HENMT1: variants seen among roughly 807,000 people sequenced by gnomAD.
HENMT1 encodes small RNA 2'-O-methyltransferase.
HENMT1 carries 27 observed loss-of-function variants against 31.1 expected under a neutral mutation model. That is an observed-to-expected ratio of 0.87 (90% CI 0.64 to 1.20). The LOEUF (loss-of-function observed/expected upper bound fraction) is 1.20. Ranked by LOEUF, HENMT1 falls within the 50% of genes most tolerant of loss-of-function variation. HENMT1 has a pLI of 0.00. For synonymous variants in HENMT1, 167 were observed against 172.2 expected (o/e 0.97, Z 0.24); for missense variants, 438 against 469.6 (o/e 0.93, Z 0.62).
At chr1:108,658,339 T>TG (rs2101002949) in intron 2 of HENMT1, among the ~76,000 whole-genome samples, 1 of 152,260 alleles carries the variant, frequency 6.6e-6, no homozygotes, top group South Asian at 2.1e-4. Flanking sequence ...TTCACCATGT[T>TG]GGCCAGGCTC....
rs142977292 is a variant in HENMT1 at position 108,650,337 on chromosome 1, G to A, written c.630C>T (p.Val210=). The part of the protein sequence containing the change: ...RYDYSVEFTG[V]GEPPAGAENV... ...TCTCAGCTCCAGCTGGTGGTTCCCC[G>A]ACACCAGTAAACTCCACAGAGTAAT... Residue 210 remains valine, a synonymous_variant, in exon 7 of 8, where the codon GTC becomes GTT. Coordinates refer to ENST00000651461, the MANE Select transcript of HENMT1 (RefSeq NM_001102592.2). The A allele has an allele frequency of 3.7e-3, 5,973 of 1,613,964 alleles. 12 individuals are homozygous for A. The highest frequency in any genetic ancestry group is 5.9e-3 in the Middle Eastern group (36 of 6,062).
At chr1:108,658,903 AG>A (rs551333187) in intron 2 of HENMT1, among the ~76,000 whole-genome samples, 142 of 152,380 alleles carry the variant, frequency 9.3e-4, no homozygotes, top group African/African-American at 3.4e-3. Context: ...AGTAGTCCAA[AG>A]GGTATTTGAT....
chr1:108,650,038 A>G (rs1570630738), intron 7 of HENMT1, 173 bp downstream of exon 7: 4 of 706,494 alleles, frequency 5.7e-6, no homozygotes, highest in Non-Finnish European at 7.7e-6. Context: ...GTCTCAAAGG[A>G]CACCGTAGGC....
intron 4 of HENMT1, 143 bp from the exon 5 acceptor site, chr1:108,654,993 A>G (rs1240523763): frequency 3.7e-6 from 3 of 815,534 alleles, no homozygotes; most frequent in Admixed American, 2.7e-5. Context: ...GTCTTGACAT[A>G]TTAAAGACCA....
At chr1:108,653,029 T>TC (rs201415303) in intron 5 of HENMT1, among the ~76,000 whole-genome samples, 1,668 of 150,350 alleles carry the variant, frequency 0.011, 26 homozygotes, top group African/African-American at 0.039. Flanking sequence ...TGCATATACA[T>TC]CCCTTTTTTT....
intron 7 of HENMT1, chr1:108,650,005 T>C (rs1474995558): frequency 1.5e-6 from 1 of 670,100 alleles, no homozygotes; most frequent in Non-Finnish European, 2.7e-6. Flanking sequence ...TTAACATGCC[T>C]TGAAACACCA....
In HENMT1 at chr1:108,648,606, G is replaced by A; in HGVS notation, c.1142C>T (p.Ala381Val). ...TTCATCAAAATAATTACGCAGGTCA[G>A]CCACCACTGCAGAACCATCACTGCT... ...PLSSDGSAVVADLRNYFDEQF... is the reference protein window; with the variant it reads ...PLSSDGSAVVVDLRNYFDEQF... The change falls in exon 8 of 8, where the codon GCT (alanine) becomes GTT (valine). Residue 381 changes from alanine (A) to valine (V), a missense_variant. Coordinates refer to ENST00000651461, the MANE Select transcript of HENMT1 (RefSeq NM_001102592.2). 1 of 1,614,138 alleles carries A rather than the reference G, an allele frequency of 6.2e-7. No individual in the cohort carries two copies. The highest frequency in any genetic ancestry group is 1.3e-5 in the African/African-American group (1 of 75,050).
At chr1:108,658,935 A>G (rs1658354998) in intron 2 of HENMT1, among the ~76,000 whole-genome samples, 1 of 152,256 alleles carries the variant, frequency 6.6e-6, no homozygotes, top group African/African-American at 2.4e-5. Context: ...GCACTGTCCA[A>G]TAGATAAAAT....
chr1:108,660,288 G>A (rs535258215), intron 1 of HENMT1, among the ~76,000 whole-genome samples: 1 of 152,064 alleles, frequency 6.6e-6, no homozygotes, highest in African/African-American at 2.4e-5. Context: ...CTCAGAAAGC[G>A]TAACTTTTCA....
At chr1:108,657,331 T>C (rs1190579488) in intron 3 of HENMT1, 120 bp downstream of exon 3, 1 of 673,310 alleles carries the variant, frequency 1.5e-6, no homozygotes, top group Non-Finnish European at 2.5e-6. Context: ...GGTTACGGCA[T>C]TCTCCCTATT....
chr1:108,651,051 G>A lies in HENMT1; in HGVS notation c.557C>T (p.Thr186Ile), dbSNP rs781298547. 5 of 1,613,348 alleles carry A rather than the reference G, an allele frequency of 3.1e-6. No individual in the cohort carries two copies. In the Admixed American group the frequency reaches 6.7e-5, roughly 22 times the overall value. The change falls in exon 6 of 8, where the codon ACC becomes ATC. Residue 186 changes from threonine to isoleucine, a missense_variant. Coordinates refer to ENST00000651461, the MANE Select transcript of HENMT1 (RefSeq NM_001102592.2). ...LRDSDHKFEW[T>I]RMEFQTWALY... The stretch of plus-strand genomic sequence containing the variant: ...TTACCAGGTCTGAAACTCCATTCTG[G>A]TCCACTCAAATTTATGATCTGAATC...
intron 4 of HENMT1, 136 bp downstream of exon 4, chr1:108,655,450 C>CCTGATTATT: frequency 1.9e-6 from 1 of 516,196 alleles, no homozygotes; most frequent in Non-Finnish European, 3.4e-6. Flanking sequence ...TATGGCAAAG[C>CCTGATTATT]CTGATTATTC....
chr1:108,650,925 A>G, intron 6 of HENMT1, 105 bp downstream of exon 6: 1 of 774,978 alleles, frequency 1.3e-6, no homozygotes, highest in South Asian at 1.9e-5. Context: ...TTTTATTGGA[A>G]GAAAGTACAA....
Position 108,648,461 on chromosome 1 carries a change from G to A in HENMT1, c.*105C>T, listed in dbSNP as rs1028302360. On this transcript the variant is annotated 3_prime_UTR_variant, in exon 8 of 8. Transcript: ENST00000651461. ...GGCTTGGAACATAGACTTTTGCAGT[G>A]AAACTTTAAAAACATTACTTGAATT... 5 of 994,622 alleles carry A rather than the reference G, an allele frequency of 5.0e-6. No homozygotes were observed. In the South Asian group the frequency reaches 6.8e-5, roughly 14 times the overall value. 61.6% of individuals were successfully genotyped at this position (994,622 alleles called of 1,614,324 possible).
At chr1:108,649,489 G>A (rs913201350) in intron 7 of HENMT1, 6 of 416,264 alleles carry the variant, frequency 1.4e-5, no homozygotes, top group Admixed American at 2.8e-5. Context: ...GGTGGTGCAC[G>A]CCTGTCGTCC....
intron 2 of HENMT1, among the ~76,000 whole-genome samples, chr1:108,658,152 G>A (rs1658324213): frequency 6.8e-6 from 1 of 146,806 alleles, no homozygotes. Flanking sequence ...TTCCCCCCAA[G>A]ACGGAGTCTT....
chr1:108,649,640 G>T (rs567207588), intron 7 of HENMT1, among the ~76,000 whole-genome samples: 86 of 152,190 alleles, frequency 5.7e-4, no homozygotes, highest in African/African-American at 2.0e-3. Context: ...TTTTAAAGAG[G>T]GGGAGGAAGT....
intron 1 of HENMT1, among the ~76,000 whole-genome samples, chr1:108,660,322 GAA>G (rs1268595761): frequency 2.0e-5 from 3 of 152,062 alleles, no homozygotes; most frequent in African/African-American, 7.2e-5. Context: ...TACTAAGAGC[GAA>G]AACAGCCATC....
intron 2 of HENMT1, among the ~76,000 whole-genome samples, chr1:108,658,068 TGTACACAC>T (rs201039826): frequency 2.2e-5 from 1 of 46,206 alleles, no homozygotes; most frequent in Non-Finnish European, 5.2e-5. Context: ...CACATATATA[TGTACACAC>T]ACACACACAC....
Sources: gnomAD v4.1 joint callset for allele counts (sites outside exome capture counted in the v4.1 genomes callset) on GRCh38, gnomAD v4.1.1 for gene constraint, MANE v1.5 for transcripts, NCBI Gene and HGNC (gene_info 2026-07-23, HGNC 2026-07-21) for gene names.